The following FBXO8 variants were observed in gnomAD, a reference collection of about 807,000 sequenced individuals.
FBXO8 encodes F-box protein 8, also known as F-box only protein 8.
A neutral mutation model predicts 33.4 loss-of-function variants in FBXO8; 15 were observed. That is an observed-to-expected ratio of 0.45 (90% CI 0.30 to 0.69). The LOEUF (loss-of-function observed/expected upper bound fraction) is 0.69, where lower values mean the gene tolerates loss of function less well. Among genes scored for constraint, FBXO8 ranks in the 30% least tolerant of loss-of-function variants. FBXO8 has a pLI of 0.08. For missense variants in FBXO8, 274 were observed against 380.3 expected, an observed-to-expected ratio of 0.72 and a Z score of 2.32; for synonymous variants, 132 against 131.5, an observed-to-expected ratio of 1.00 and a Z score of -0.02.
chr4:174,253,678 G>T lies in FBXO8; in HGVS notation c.456+6021C>A, dbSNP rs1736349702. On this transcript the variant is annotated intron_variant, in intron 3 of 5. Coordinates refer to ENST00000393674, the MANE Select transcript of FBXO8 (RefSeq NM_012180.3). This position sits in a 1 kb window ranked among gnomAD's most constrained non-coding sequence, Gnocchi z 4.5. ...CCTAGCTGCAGTTGTTGAATTATAA[G>T]TCTAAGCCAATCATGTAATCTTTCT... Among the ~76,000 whole-genome samples, 1 of 152,192 alleles carries T rather than the reference G, an allele frequency of 6.6e-6. No homozygotes were observed. Among genetic ancestry groups the T allele is most frequent in the African/African-American group, 2.4e-5 (1 of 41,458 alleles).
chr4:174,264,182 C>T (rs943839213), intron 1 of FBXO8, among the ~76,000 whole-genome samples: 2 of 151,838 alleles, frequency 1.3e-5, no homozygotes, highest in African/African-American at 4.8e-5. Context: ...TAGCATGACC[C>T]GAACTTAAAA....
At chr4:174,249,375 T>C (rs13109634) in intron 3 of FBXO8, among the ~76,000 whole-genome samples, 102,339 of 151,752 alleles carry the variant, frequency 0.67, 34,738 homozygotes, top group East Asian at 0.75. Context: ...TGATTAATAA[T>C]TGAAACTAAT....
At chr4:174,273,401 C>T (rs543041422) in intron 1 of FBXO8, among the ~76,000 whole-genome samples, 25 of 148,998 alleles carry the variant, frequency 1.7e-4, no homozygotes, top group Admixed American at 9.3e-4. Flanking sequence ...ACAATACCAC[C>T]GAAATGCAGT....
At position 174,259,644 on chromosome 4, in the gene FBXO8, G is replaced by A. The variant is rs1736500911; in HGVS notation, c.456+55C>T. The A allele has an allele frequency of 1.9e-6, 3 of 1,567,644 alleles. No homozygotes were observed. The highest frequency in any genetic ancestry group is 2.6e-6 in the Non-Finnish European group (3 of 1,163,846). On this transcript the variant is annotated intron_variant, in intron 3 of 5. Transcript: ENST00000393674. This position sits in a 1 kb window ranked among gnomAD's most constrained non-coding sequence, Gnocchi z 4.3. ...TGCTAGTTTATGATATTGGAAAGCT[G>A]CAGCAAGATAGTAATAAAGGTCACT...
At chr4:174,239,486 T>C (rs550413096) in intron 4 of FBXO8, among the ~76,000 whole-genome samples, 1 of 151,998 alleles carries the variant, frequency 6.6e-6, no homozygotes, top group East Asian at 1.9e-4. Flanking sequence ...AAATGAACAA[T>C]TTCTTTTTAA....
Position 174,262,718 on chromosome 4 carries a change from T to C in FBXO8, c.329+46A>G. 2 of 1,499,074 alleles carry C rather than the reference T, an allele frequency of 1.3e-6. No homozygotes were observed. The highest frequency in any genetic ancestry group is 1.8e-6 in the Non-Finnish European group (2 of 1,083,932). The allele number at this position is 1,499,074 out of a possible 1,614,324, so 92.9% of individuals were successfully genotyped here. On this transcript the variant is annotated intron_variant, in intron 2 of 5. Transcript: ENST00000393674. The surrounding 1 kb of genome is among the most constrained non-coding windows in gnomAD (Gnocchi z 4.6). Reference sequence around the variant, plus strand: ...TTATAAAAAGAACATTGAAGCATGATTATGTTTAGAGATACCTGAATTCAA... The same window carrying C: ...TTATAAAAAGAACATTGAAGCATGACTATGTTTAGAGATACCTGAATTCAA...
Position 174,263,148 on chromosome 4 carries a change from C to A in FBXO8, c.-8-48G>T. ...TAAGGGTGACATTTAAAAAGTAACCCATTTTTCCCAGTGGTATAACAAATC... is the reference window on the plus strand; with the variant it reads ...TAAGGGTGACATTTAAAAAGTAACCAATTTTTCCCAGTGGTATAACAAATC... On this transcript the variant is annotated intron_variant, in intron 1 of 5. Coordinates refer to ENST00000393674, the MANE Select transcript of FBXO8 (RefSeq NM_012180.3). The surrounding 1 kb of genome is among the most constrained non-coding windows in gnomAD (Gnocchi z 4.2). 6.6e-7 allele frequency: 1 copy of A among 1,516,266 alleles called. No individual in the cohort carries two copies. The highest frequency in any genetic ancestry group is 9.0e-7 in the Non-Finnish European group (1 of 1,113,728). 93.9% of individuals were successfully genotyped at this position (1,516,266 alleles called of 1,614,324 possible).
rs963011911 is a variant in FBXO8, at chr4:174,261,972, T to C, written c.329+792A>G. Among the ~76,000 whole-genome samples, 1 of 152,104 alleles carries C rather than the reference T, an allele frequency of 6.6e-6. No individual in the cohort carries two copies. The highest frequency in any genetic ancestry group is 1.5e-5 in the Non-Finnish European group (1 of 67,954). ...GAAGGTCTGAGATCCAATGATTCCA[T>C]GTTTGGTAATATTTTTAGGCCAAAA... On this transcript the variant is annotated intron_variant, in intron 2 of 5. Transcript: ENST00000393674. This position sits in a 1 kb window ranked among gnomAD's most constrained non-coding sequence, Gnocchi z 4.1.
At position 174,277,337 on chromosome 4, in the gene FBXO8, T is replaced by C. The variant is rs139861300; in HGVS notation, c.-9+6073A>G. Among the ~76,000 whole-genome samples the C allele has an allele frequency of 4.2e-3, 635 of 152,284 alleles. 4 individuals are homozygous for C. Among genetic ancestry groups the C allele is most frequent in the Non-Finnish European group, 7.4e-3 (501 of 67,988 alleles). On this transcript the variant is annotated intron_variant, in intron 1 of 5. Transcript: ENST00000393674. The surrounding 1 kb of genome is among the most constrained non-coding windows in gnomAD (Gnocchi z 4.9). Reference sequence around the variant, plus strand: ...AATACAAAGTCTATCTGTAAAATATTAAGCAGCTTTAATCAAACTATCTCT... The same window carrying C: ...AATACAAAGTCTATCTGTAAAATATCAAGCAGCTTTAATCAAACTATCTCT...
intron 1 of FBXO8, among the ~76,000 whole-genome samples, chr4:174,271,397 T>G (rs2126445802): frequency 6.6e-6 from 1 of 152,126 alleles, no homozygotes; most frequent in South Asian, 2.1e-4. Flanking sequence ...CATCTCTGGG[T>G]CACTGTTTCC....
At chr4:174,280,523 G>C (rs1436533914) in intron 1 of FBXO8, among the ~76,000 whole-genome samples, 1 of 152,140 alleles carries the variant, frequency 6.6e-6, no homozygotes, top group African/African-American at 2.4e-5. Flanking sequence ...GTCTGGAAAA[G>C]ATATTTGTTC....
Position 174,253,380 on chromosome 4 carries a change from T to G in FBXO8, c.456+6319A>C. 6.6e-6 allele frequency among the ~76,000 whole-genome samples: 1 copy of G among 152,134 alleles called. No homozygotes were observed. Among genetic ancestry groups the G allele is most frequent in the East Asian group, 1.9e-4 (1 of 5,180 alleles). Reference sequence around the variant, plus strand: ...ATCACAGCATAACCACCTCCCCTCCTATCCCGTCTTCCTCCCTTTTAAAAT... The same window carrying G: ...ATCACAGCATAACCACCTCCCCTCCGATCCCGTCTTCCTCCCTTTTAAAAT... On this transcript the variant is annotated intron_variant, in intron 3 of 5. Transcript: ENST00000393674. The surrounding 1 kb of genome is among the most constrained non-coding windows in gnomAD (Gnocchi z 4.5).
In FBXO8 at chr4:174,254,180, C is replaced by A. The variant is rs370144792; in HGVS notation, c.456+5519G>T. Among the ~76,000 whole-genome samples, 90 of 152,300 alleles carry A rather than the reference C, an allele frequency of 5.9e-4. 1 individual carries two copies. Among genetic ancestry groups the A allele is most frequent in the African/African-American group, 2.1e-3 (89 of 41,576 alleles). ...AATGAAGGGTGCTGAGAACTCAATT[C>A]TTCCTAGCTAGATCTTAGTTTATAT... is the stretch of plus-strand genomic sequence containing the variant. On this transcript the variant is annotated intron_variant, in intron 3 of 5. Transcript: ENST00000393674. The surrounding 1 kb of genome is among the most constrained non-coding windows in gnomAD (Gnocchi z 4.2).
intron 1 of FBXO8, among the ~76,000 whole-genome samples, chr4:174,282,460 G>C (rs868220471): frequency 1.2e-4 from 18 of 152,040 alleles, no homozygotes; most frequent in African/African-American, 3.4e-4. Flanking sequence ...ATATTGTCAG[G>C]TTAATTGGCT....
chr4:174,258,983 T>C (rs1235582927), intron 3 of FBXO8, among the ~76,000 whole-genome samples: 2 of 151,964 alleles, frequency 1.3e-5, no homozygotes, highest in Admixed American at 6.6e-5. Flanking sequence ...AAAGTAGTAG[T>C]TCTGAGTGCT....
chr4:174,258,175 T>C (rs1194298005), intron 3 of FBXO8, among the ~76,000 whole-genome samples: 1 of 152,166 alleles, frequency 6.6e-6, no homozygotes, highest in Non-Finnish European at 1.5e-5. Context: ...CAGAATCTCT[T>C]GTAAGAGCAG....
At chr4:174,239,312 AT>A (rs1735973534) in intron 4 of FBXO8, 122 bp from the exon 5 acceptor site, 7 of 519,104 alleles carry the variant, frequency 1.3e-5, no homozygotes, top group South Asian at 9.3e-5. Context: ...AGATCAGCTA[AT>A]CCTATAAAAG....
chr4:174,246,228 A>G (rs1736155650), intron 3 of FBXO8, among the ~76,000 whole-genome samples: 1 of 152,006 alleles, frequency 6.6e-6, no homozygotes, highest in South Asian at 2.1e-4. Context: ...GGACCAAGCC[A>G]TGGTTCTGCA....
rs774722172 is a variant in FBXO8, at chr4:174,261,330, T to G, written c.329+1434A>C. On this transcript the variant is annotated intron_variant, in intron 2 of 5. Transcript: ENST00000393674. This position sits in a 1 kb window ranked among gnomAD's most constrained non-coding sequence, Gnocchi z 4.1. ...AAGCAATTTATTATTAAGGAAAAAATCCAAGTATTATAAAAATAGGCATAA... is the reference window on the plus strand; with the variant it reads ...AAGCAATTTATTATTAAGGAAAAAAGCCAAGTATTATAAAAATAGGCATAA... Among the ~76,000 whole-genome samples the G allele has an allele frequency of 4.6e-5, 7 of 151,742 alleles. No homozygotes were observed. The highest frequency in any genetic ancestry group is 8.9e-5 in the Non-Finnish European group (6 of 67,780).
Sources: gnomAD v4.1 joint callset for allele counts (sites outside exome capture counted in the v4.1 genomes callset) on GRCh38, gnomAD v4.1.1 for gene constraint, Gnocchi (gnomAD v3.1) non-coding constraint, MANE v1.5 for transcripts, NCBI Gene and HGNC (gene_info 2026-07-23, HGNC 2026-07-21) for gene names.